ZFAND3: variants seen among roughly 807,000 people sequenced by gnomAD.
ZFAND3 encodes the protein zinc finger AN1-type containing 3, also known as AN1-type zinc finger protein 3.
In ZFAND3, 10 loss-of-function variants were observed where a neutral mutation model predicts 29.6. The observed-to-expected ratio is 0.34, with a 90% CI of 0.21 to 0.57. The LOEUF (loss-of-function observed/expected upper bound fraction) is 0.57, where lower values mean the gene tolerates loss of function less well. Among genes scored for constraint, ZFAND3 ranks in the 20% least tolerant of loss-of-function variants. The pLI, the probability that ZFAND3 is intolerant of heterozygous loss-of-function variation, is 0.86. For missense variants in ZFAND3, 230 were observed against 304.5 expected (o/e 0.76, Z 1.82); for synonymous variants, 128 against 112.6 (o/e 1.14, Z -0.87).
At chr6:37,993,708 A>C (rs542713101) in intron 2 of ZFAND3, among the ~76,000 whole-genome samples, 1 of 152,342 alleles carries the variant, frequency 6.6e-6, no homozygotes, top group South Asian at 2.1e-4. Context: ...GTATGTGTGC[A>C]CGTGTCATTT....
At chr6:38,010,892 C>T (rs1270313747) in intron 2 of ZFAND3, among the ~76,000 whole-genome samples, 4 of 150,270 alleles carry the variant, frequency 2.7e-5, no homozygotes, top group Admixed American at 2.0e-4. Flanking sequence ...TGAGCCACTG[C>T]GCCCGGCCCA....
intron 4 of ZFAND3, 57 bp downstream of exon 4, chr6:38,082,514 G>T: frequency 6.5e-7 from 1 of 1,542,080 alleles, no homozygotes; most frequent in Non-Finnish European, 8.9e-7. Context: ...ACAGAAGTTA[G>T]CAACTGGTTC....
At chr6:38,147,510 G>A (rs1449267142) in intron 5 of ZFAND3, among the ~76,000 whole-genome samples, 2 of 152,174 alleles carry the variant, frequency 1.3e-5, no homozygotes, top group African/African-American at 4.8e-5. Flanking sequence ...ATACCCTGTG[G>A]TGGGATTGCT....
chr6:37,855,084 C>G (rs1357898002), intron 1 of ZFAND3, among the ~76,000 whole-genome samples: 1 of 139,050 alleles, frequency 7.2e-6, no homozygotes, highest in Non-Finnish European at 1.5e-5. Flanking sequence ...ATCAACAAAT[C>G]TTTGCTTTCT....
chr6:38,010,192 C>T (rs999769987), intron 2 of ZFAND3, among the ~76,000 whole-genome samples: 11 of 152,172 alleles, frequency 7.2e-5, no homozygotes, highest in Admixed American at 3.3e-4. Flanking sequence ...CATTGCAGGG[C>T]GCACTCACAG....
rs529308449 is a variant in ZFAND3, at chr6:37,965,285, A to AT, written c.112+35293dup. Among the ~76,000 whole-genome samples, 16 of 152,198 alleles carry AT rather than the reference A, an allele frequency of 1.1e-4. No individual in the cohort carries two copies. In the East Asian group the frequency reaches 2.9e-3, roughly 28 times the overall value. ...CTACTTATTGACCAGTTACTGGTCT[A>AT]TTTTTTTAGACCAGTAACAATTTCC... On this transcript the variant is annotated intron_variant, in intron 2 of 5. Coordinates refer to ENST00000287218, the MANE Select transcript of ZFAND3 (RefSeq NM_021943.3).
chr6:37,914,661 TC>T (rs200386496), intron 1 of ZFAND3, among the ~76,000 whole-genome samples: 8 of 88,422 alleles, frequency 9.0e-5, no homozygotes, highest in African/African-American at 3.2e-4. Flanking sequence ...TTTCTTTCTT[TC>T]TTTTTTTTTC....
chr6:38,110,734 G>A (rs986606155), intron 4 of ZFAND3, among the ~76,000 whole-genome samples: 2 of 152,164 alleles, frequency 1.3e-5, no homozygotes, highest in African/African-American at 2.4e-5. Context: ...AGTAAGGGAC[G>A]GTGTGGGTGA....
At chr6:37,906,278 T>C (rs1368180444) in intron 1 of ZFAND3, among the ~76,000 whole-genome samples, 1 of 152,196 alleles carries the variant, frequency 6.6e-6, no homozygotes, top group African/African-American at 2.4e-5. Flanking sequence ...GTCTCTTTCA[T>C]ATGAGTGAAA....
chr6:37,834,427 T>C (rs1228793136), intron 1 of ZFAND3, among the ~76,000 whole-genome samples: 4 of 152,190 alleles, frequency 2.6e-5, no homozygotes, highest in Admixed American at 6.5e-5. Context: ...TGCTTCCAAG[T>C]TTTGGCAATT....
chr6:37,898,318 T>C (rs974520333), intron 1 of ZFAND3, among the ~76,000 whole-genome samples: 1 of 152,204 alleles, frequency 6.6e-6, no homozygotes, highest in African/African-American at 2.4e-5. Flanking sequence ...TTAAGCCACA[T>C]GCAGGTCTGT....
chr6:37,914,662 C>CTTTTTTTTTTTTT (rs1327923079), intron 1 of ZFAND3, among the ~76,000 whole-genome samples: 10 of 62,446 alleles, frequency 1.6e-4, no homozygotes, highest in South Asian at 4.5e-4. Context: ...TTCTTTCTTT[C>CTTTTTTTTTTTTT]TTTTTTTTTC....
At chr6:38,086,523 C>A (rs1297963384) in intron 4 of ZFAND3, among the ~76,000 whole-genome samples, 1 of 152,222 alleles carries the variant, frequency 6.6e-6, no homozygotes, top group Non-Finnish European at 1.5e-5. Context: ...ATGTTTTCCA[C>A]ATGTTCCCTT....
chr6:38,025,325 C>G (rs1763426988), intron 2 of ZFAND3, among the ~76,000 whole-genome samples: 1 of 152,146 alleles, frequency 6.6e-6, no homozygotes, highest in South Asian at 2.1e-4. Context: ...GGTACTTTCA[C>G]CTCTTAATTA....
intron 2 of ZFAND3, among the ~76,000 whole-genome samples, chr6:37,941,596 G>A (rs532804645): frequency 5.8e-4 from 89 of 152,220 alleles, no homozygotes; most frequent in African/African-American, 2.0e-3. Context: ...TCTGTGCTGC[G>A]TAGTGAAGCA....
At chr6:37,928,809 TG>T (rs1761538563) in intron 1 of ZFAND3, among the ~76,000 whole-genome samples, 1 of 152,192 alleles carries the variant, frequency 6.6e-6, no homozygotes, top group Non-Finnish European at 1.5e-5. Flanking sequence ...TGAGCCACCG[TG>T]CCTGGCCAGA....
chr6:38,055,247 C>G (rs769545831), intron 2 of ZFAND3, among the ~76,000 whole-genome samples: 159 of 152,148 alleles, frequency 1.0e-3, no homozygotes, highest in Non-Finnish European at 2.2e-3. Flanking sequence ...AAATACCAAA[C>G]TAAAGCTTCT....
chr6:37,988,751 T>C (rs986054115), intron 2 of ZFAND3, among the ~76,000 whole-genome samples: 5 of 152,212 alleles, frequency 3.3e-5, no homozygotes, highest in Admixed American at 3.3e-4. Context: ...TCTTAGCTCC[T>C]CCTTTCCTCC....
intron 1 of ZFAND3, among the ~76,000 whole-genome samples, chr6:37,869,067 A>C (rs181019463): frequency 3.9e-5 from 6 of 152,232 alleles, no homozygotes; most frequent in Non-Finnish European, 7.3e-5. Context: ...CTCATGGAAT[A>C]TGTCCATTTT....
Sources: allele counts gnomAD v4.1 joint callset (sites outside exome capture counted in the v4.1 genomes callset), GRCh38; gene constraint gnomAD v4.1.1; transcripts MANE v1.5; gene names NCBI Gene and HGNC (gene_info 2026-07-23, HGNC 2026-07-21).